STK39: variants seen among roughly 807,000 people sequenced by gnomAD.
STK39 encodes serine/threonine kinase 39, also known as STE20/SPS1-related proline-alanine-rich protein kinase.
In STK39, 20 loss-of-function variants were observed where a neutral mutation model predicts 77.8. That is an observed-to-expected ratio of 0.26 (90% CI 0.18 to 0.37). The LOEUF (loss-of-function observed/expected upper bound fraction) is 0.37. STK39 is among the 10% of genes least tolerant of loss of function. The pLI is 1.00. For missense variants in STK39, 479 were observed against 656.5 expected (o/e 0.73, Z 2.95); for synonymous variants, 246 against 234.1 (o/e 1.05, Z -0.47).
intron 14 of STK39, among the ~76,000 whole-genome samples, chr2:168,045,307 C>G (rs1421747681): frequency 6.6e-6 from 1 of 152,152 alleles, no homozygotes; most frequent in Non-Finnish European, 1.5e-5. Context: ...CACAACAGAG[C>G]TGGAAGGCAT....
chr2:168,220,622 A>C (rs1436824514), intron 1 of STK39, among the ~76,000 whole-genome samples: 1 of 152,216 alleles, frequency 6.6e-6, no homozygotes. Flanking sequence ...AAGAGATGTC[A>C]AAATCAAAGG....
At chr2:168,173,989 G>A (rs531882958) in intron 2 of STK39, among the ~76,000 whole-genome samples, 3 of 152,158 alleles carry the variant, frequency 2.0e-5, no homozygotes, top group Non-Finnish European at 2.9e-5. Context: ...ATCAATCAAC[G>A]AATGTCCTTT....
intron 14 of STK39, among the ~76,000 whole-genome samples, chr2:168,062,727 A>G (rs571540065): frequency 5.9e-5 from 9 of 152,290 alleles, no homozygotes; most frequent in Non-Finnish European, 1.2e-4. Flanking sequence ...GAAAATGCCT[A>G]GTATATGCAC....
chr2:167,993,016 G>GA (rs753644584), intron 16 of STK39, among the ~76,000 whole-genome samples: 3 of 152,142 alleles, frequency 2.0e-5, no homozygotes, highest in Non-Finnish European at 4.4e-5. Flanking sequence ...CCTAGCTTTT[G>GA]AAAATGGGCT....
intron 1 of STK39, among the ~76,000 whole-genome samples, chr2:168,224,211 C>T (rs1425559859): frequency 3.3e-5 from 5 of 150,640 alleles, no homozygotes; most frequent in African/African-American, 1.2e-4. Context: ...AAAAAACAAA[C>T]AACAAAAAAA....
chr2:168,161,003 G>C (rs933479775), intron 5 of STK39, among the ~76,000 whole-genome samples: 11 of 152,040 alleles, frequency 7.2e-5, no homozygotes, highest in African/African-American at 2.7e-4. Context: ...ATTGAAACTA[G>C]GTGATGGGTA....
chr2:168,210,962 T>C (rs1279208082), intron 1 of STK39, among the ~76,000 whole-genome samples: 2 of 152,230 alleles, frequency 1.3e-5, no homozygotes, highest in East Asian at 3.9e-4. Flanking sequence ...TTCTCTGAAA[T>C]AAGGCAAAAA....
intron 1 of STK39, among the ~76,000 whole-genome samples, chr2:168,204,875 G>C (rs746988118): frequency 6.6e-5 from 10 of 152,122 alleles, no homozygotes; most frequent in African/African-American, 2.4e-4. Flanking sequence ...AATACTCTCC[G>C]CAAGTTCCCT....
chr2:167,996,892 G>A (rs757349583), intron 16 of STK39, among the ~76,000 whole-genome samples: 5 of 151,730 alleles, frequency 3.3e-5, no homozygotes, highest in Non-Finnish European at 5.9e-5. Flanking sequence ...TTTCTCTCTC[G>A]GACTCTCCTC....
chr2:168,132,340 C>T (rs901175172), intron 8 of STK39, among the ~76,000 whole-genome samples: 3 of 152,078 alleles, frequency 2.0e-5, no homozygotes, highest in Non-Finnish European at 2.9e-5. Flanking sequence ...CTCACTACTT[C>T]TCCCTTGCTA....
intron 14 of STK39, among the ~76,000 whole-genome samples, chr2:168,018,166 A>G (rs1684462966): frequency 6.6e-6 from 1 of 152,200 alleles, no homozygotes. Flanking sequence ...TATAAGTATC[A>G]ACAGATGCTA....
chr2:168,054,280 G>A (rs546851333), intron 14 of STK39, among the ~76,000 whole-genome samples: 1 of 152,334 alleles, frequency 6.6e-6, no homozygotes, highest in South Asian at 2.1e-4. Context: ...AACTGACCTA[G>A]CTTCAAGACC....
chr2:167,956,670 A>ACACACACACACC (rs1691776380), intron 17 of STK39, among the ~76,000 whole-genome samples: 1 of 34,082 alleles, frequency 2.9e-5, no homozygotes, highest in Non-Finnish European at 6.5e-5. Context: ...GCTTTTAGAC[A>ACACACACACACC]CACACACACA....
intron 16 of STK39, among the ~76,000 whole-genome samples, chr2:167,974,511 T>A (rs1961702): frequency 0.51 from 77,130 of 151,970 alleles, 20,425 homozygotes; most frequent in Non-Finnish European, 0.56. Context: ...CAGGTTATAT[T>A]TTAGTGAATG....
intron 1 of STK39, among the ~76,000 whole-genome samples, chr2:168,220,405 G>A (rs1690138094): frequency 6.6e-6 from 1 of 152,166 alleles, no homozygotes; most frequent in East Asian, 1.9e-4. Flanking sequence ...AGACTCTGGA[G>A]AGTGAGAAAC....
intron 16 of STK39, among the ~76,000 whole-genome samples, chr2:167,966,624 T>C (rs1034162510): frequency 6.6e-6 from 1 of 152,126 alleles, no homozygotes; most frequent in African/African-American, 2.4e-5. Context: ...CACGTATATA[T>C]ACAAGGGCCA....
intron 17 of STK39, among the ~76,000 whole-genome samples, chr2:167,963,310 T>C (rs1692048297): frequency 6.6e-6 from 1 of 152,162 alleles, no homozygotes; most frequent in African/African-American, 2.4e-5. Context: ...TTTCACAAAA[T>C]CTTCGGTAGT....
chr2:168,162,149 G>A (rs879590861), intron 4 of STK39, among the ~76,000 whole-genome samples: 9 of 152,086 alleles, frequency 5.9e-5, no homozygotes, highest in Admixed American at 1.3e-4. Flanking sequence ...AGTTGGGCAT[G>A]GTGGCAGGTG....
intron 2 of STK39, among the ~76,000 whole-genome samples, chr2:168,171,232 C>T (rs1688815582): frequency 6.6e-6 from 1 of 152,100 alleles, no homozygotes. Flanking sequence ...CCTGCTAGAA[C>T]TGAAGTGGCA....
Sources: gnomAD v4.1 joint callset for allele counts (sites outside exome capture counted in the v4.1 genomes callset) on GRCh38, gnomAD v4.1.1 for gene constraint, MANE v1.5 for transcripts, NCBI Gene and HGNC (gene_info 2026-07-23, HGNC 2026-07-21) for gene names.